Variants in RALGPS1 observed in about 807,000 individuals in gnomAD.
RALGPS1 encodes the protein ras-specific guanine nucleotide-releasing factor RalGPS1.
RALGPS1 carries 19 observed loss-of-function variants against 78.8 expected under a neutral mutation model. The ratio of observed to expected loss-of-function variants is 0.24; its 90% CI spans 0.17 to 0.35. The LOEUF (loss-of-function observed/expected upper bound fraction) is 0.35, where lower values mean the gene tolerates loss of function less well. RALGPS1 is among the 10% of genes least tolerant of loss of function. The pLI, the probability that RALGPS1 is intolerant of heterozygous loss-of-function variation, is 1.00. For synonymous variants in RALGPS1, 228 were observed against 256.3 expected, an observed-to-expected ratio of 0.89 and a Z score of 1.06; for missense variants, 454 against 688.3, an observed-to-expected ratio of 0.66 and a Z score of 3.81.
intron 4 of RALGPS1, among the ~76,000 whole-genome samples, chr9:127,010,610 A>C (rs534188925): frequency 6.6e-6 from 1 of 152,152 alleles, no homozygotes; most frequent in Non-Finnish European, 1.5e-5. Flanking sequence ...TGAGAGCCCT[A>C]TCTGCTTTGA....
intron 2 of RALGPS1, among the ~76,000 whole-genome samples, chr9:126,963,556 G>C (rs762463578): frequency 1.3e-5 from 2 of 152,200 alleles, no homozygotes; most frequent in Non-Finnish European, 2.9e-5. Flanking sequence ...TGATGACTGA[G>C]TGATACATTT....
At chr9:127,167,171 A>G (rs1016945001) in intron 9 of RALGPS1, among the ~76,000 whole-genome samples, 2 of 152,126 alleles carry the variant, frequency 1.3e-5, no homozygotes, top group Non-Finnish European at 2.9e-5. Flanking sequence ...GGTGTGAGAA[A>G]ATCCACAGCC....
intron 4 of RALGPS1, among the ~76,000 whole-genome samples, chr9:127,000,429 C>G (rs2043182749): frequency 6.6e-6 from 1 of 150,498 alleles, no homozygotes; most frequent in Non-Finnish European, 1.5e-5. Flanking sequence ...TCTAATTTTC[C>G]TTTTGATTTC....
At chr9:127,114,184 C>A (rs1368882893) in intron 8 of RALGPS1, among the ~76,000 whole-genome samples, 1 of 152,226 alleles carries the variant, frequency 6.6e-6, no homozygotes, top group Non-Finnish European at 1.5e-5. Context: ...CTGTGCTACT[C>A]TAGGGGACAC....
chr9:127,093,425 C>G (rs148243491), intron 8 of RALGPS1, among the ~76,000 whole-genome samples: 222 of 152,274 alleles, frequency 1.5e-3, no homozygotes, highest in Non-Finnish European at 2.4e-3. Context: ...CCCTGGGCCC[C>G]CATACCAGCG....
intron 1 of RALGPS1, among the ~76,000 whole-genome samples, chr9:126,960,687 A>G (rs766837218): frequency 1.3e-5 from 2 of 152,144 alleles, no homozygotes; most frequent in Non-Finnish European, 2.9e-5. Flanking sequence ...ATCCAGGCAA[A>G]TCATTTTTCG....
chr9:127,151,385 A>G (rs2058412928), intron 8 of RALGPS1, among the ~76,000 whole-genome samples: 1 of 152,210 alleles, frequency 6.6e-6, no homozygotes, highest in Admixed American at 6.5e-5. Context: ...ATCCTTCTTA[A>G]AAGAAAAATC....
intron 2 of RALGPS1, among the ~76,000 whole-genome samples, chr9:126,962,804 G>A (rs1378711339): frequency 6.6e-6 from 1 of 152,244 alleles, no homozygotes; most frequent in Non-Finnish European, 1.5e-5. Context: ...TGTGGGGTTT[G>A]AGAGTTTGAT....
At chr9:127,193,812 T>C (rs2061207031) in intron 11 of RALGPS1, among the ~76,000 whole-genome samples, 1 of 152,106 alleles carries the variant, frequency 6.6e-6, no homozygotes, top group African/African-American at 2.4e-5. Context: ...TGGTGTTCTC[T>C]GCAGGAAGCA....
At chr9:127,191,986 G>T (rs34383746) in intron 11 of RALGPS1, among the ~76,000 whole-genome samples, 4 of 152,272 alleles carry the variant, frequency 2.6e-5, no homozygotes, top group Admixed American at 2.0e-4. Context: ...CGTGAGCCAC[G>T]GCGCCCGGCC....
At chr9:127,072,353 C>T (rs1287558368) in intron 8 of RALGPS1, among the ~76,000 whole-genome samples, 1 of 152,168 alleles carries the variant, frequency 6.6e-6, no homozygotes, top group Non-Finnish European at 1.5e-5. Flanking sequence ...GCTGGGACTA[C>T]AGGTGCACGC....
chr9:127,166,071 A>G lies in RALGPS1; in HGVS notation c.613A>G (p.Ile205Val). The part of the protein sequence containing the change: ...KMVPSIPYLG[I>V]YLLDLIYIDS... ...TGAAATATCTTCTTTAATTTTAGGAATCTATCTTCTGGATTTAATCTACAT... is the reference window on the plus strand; with the variant it reads ...TGAAATATCTTCTTTAATTTTAGGAGTCTATCTTCTGGATTTAATCTACAT... The change falls in exon 9 of 19, where the codon ATC (isoleucine) becomes GTC (valine). Residue 205 changes from isoleucine (I) to valine (V), a missense_variant and splice_region_variant. Ile to Val is a conservative substitution (Grantham distance 29). Transcript: ENST00000259351. The G allele has an allele frequency of 6.2e-7, 1 of 1,600,628 alleles. No homozygotes were observed. The highest frequency in any genetic ancestry group is 8.5e-7 in the Non-Finnish European group (1 of 1,175,014).
At chr9:127,198,385 C>CT (rs1247885166) in intron 13 of RALGPS1, among the ~76,000 whole-genome samples, 4 of 152,182 alleles carry the variant, frequency 2.6e-5, no homozygotes, top group Non-Finnish European at 4.4e-5. Flanking sequence ...CGCATGGATG[C>CT]TTGGGTGAGA....
intron 1 of RALGPS1, among the ~76,000 whole-genome samples, chr9:126,936,052 T>C (rs539772691): frequency 6.6e-6 from 1 of 152,232 alleles, no homozygotes; most frequent in Non-Finnish European, 1.5e-5. Flanking sequence ...AGAGAATCTG[T>C]TTCCATTCCT....
At chr9:127,069,541 G>A (rs1439318176) in intron 8 of RALGPS1, 185 bp downstream of exon 8, 5 of 599,712 alleles carry the variant, frequency 8.3e-6, no homozygotes, top group Non-Finnish European at 1.1e-5. Flanking sequence ...CCTGGATTAG[G>A]GTGATATACA....
chr9:127,071,837 TC>T (rs1473396224), intron 8 of RALGPS1, among the ~76,000 whole-genome samples: 1 of 152,224 alleles, frequency 6.6e-6, no homozygotes, highest in African/African-American at 2.4e-5. Context: ...TAATACATAA[TC>T]CATTTAAAGT....
intron 1 of RALGPS1, among the ~76,000 whole-genome samples, chr9:126,951,670 A>G (rs1052077233): frequency 2.0e-5 from 3 of 152,234 alleles, no homozygotes; most frequent in African/African-American, 7.2e-5. Flanking sequence ...GACGTATCTC[A>G]AAATAATAAG....
intron 3 of RALGPS1, among the ~76,000 whole-genome samples, chr9:126,967,568 A>AT (rs1452770946): frequency 6.6e-6 from 1 of 152,020 alleles, no homozygotes; most frequent in Non-Finnish European, 1.5e-5. Context: ...ACAGCATCTC[A>AT]TTCCATCACT....
At chr9:127,012,499 C>A (rs1232614533) in intron 4 of RALGPS1, among the ~76,000 whole-genome samples, 1 of 152,162 alleles carries the variant, frequency 6.6e-6, no homozygotes, top group East Asian at 1.9e-4. Context: ...CTGACTGTAG[C>A]CCCCTTGGTC....
Sources: allele counts gnomAD v4.1 joint callset (sites outside exome capture counted in the v4.1 genomes callset), GRCh38; gene constraint gnomAD v4.1.1; transcripts MANE v1.5; gene names NCBI Gene and HGNC (gene_info 2026-07-23, HGNC 2026-07-21).